CAPN14: variants seen among roughly 807,000 people sequenced by gnomAD.
CAPN14 encodes the protein calpain-14.
CAPN14 carries 94 observed loss-of-function variants against 101.3 expected under a neutral mutation model. That is an observed-to-expected ratio of 0.93 (90% CI 0.79 to 1.10). CAPN14 has a LOEUF of 1.10. CAPN14 is among the 50% of genes least tolerant of loss of function. CAPN14 has a pLI of 0.00. For synonymous variants in CAPN14, 338 were observed against 317.9 expected (o/e 1.06, Z -0.67); for missense variants, 837 against 828.4 (o/e 1.01, Z -0.13).
At position 31,203,071 on chromosome 2, in the gene CAPN14, T is replaced by C; in HGVS notation, c.294A>G (p.Val98=). The C allele has an allele frequency of 1.9e-6, 3 of 1,551,442 alleles. No individual in the cohort carries two copies. The highest frequency in any genetic ancestry group is 2.6e-6 in the Non-Finnish European group (3 of 1,146,782). ...TCTCTCGGGGCTGTGCAAACTTACC[T>C]ACTATCCCCTGGCACAGATCCAGCC... is the stretch of plus-strand genomic sequence containing the variant. ...AKRLDLCQGI[V]GDCWFLAALQ... is the part of the protein sequence containing the mutation. The change falls in exon 3 of 22, where the codon GTA becomes GTG. Residue 98 remains valine (V), a splice_region_variant and synonymous_variant. Transcript: ENST00000403897.
At chr2:31,175,545 C>T (rs1271423527) in intron 21 of CAPN14, among the ~76,000 whole-genome samples, 1 of 152,184 alleles carries the variant, frequency 6.6e-6, no homozygotes, top group Non-Finnish European at 1.5e-5. Context: ...AGACCTGAGC[C>T]AGCCACTGTG....
intron 5 of CAPN14, 91 bp downstream of exon 5, chr2:31,201,771 A>C: frequency 2.0e-6 from 3 of 1,480,274 alleles, no homozygotes; most frequent in Non-Finnish European, 2.7e-6. Context: ...ATCTCATTTC[A>C]TAAACTTTAC....
At chr2:31,207,361 TCA>T (rs1682154158) in intron 1 of CAPN14, among the ~76,000 whole-genome samples, 1 of 152,228 alleles carries the variant, frequency 6.6e-6, no homozygotes, top group African/African-American at 2.4e-5. Context: ...TCTCAAATTA[TCA>T]CTAGTGAAGG....
intron 1 of CAPN14, among the ~76,000 whole-genome samples, chr2:31,215,840 T>A: frequency 1.2e-5 from 1 of 86,762 alleles, no homozygotes. Context: ...TAGAAACATC[T>A]TAAAAAAGAA....
At chr2:31,204,106 C>T (rs771905219) in intron 2 of CAPN14, among the ~76,000 whole-genome samples, 24 of 152,304 alleles carry the variant, frequency 1.6e-4, no homozygotes, top group Non-Finnish European at 3.2e-4. Flanking sequence ...GCCTTGCCAT[C>T]TCAGATGAAG....
chr2:31,189,623 G>C (rs753142449), intron 12 of CAPN14, 145 bp from the exon 13 acceptor site: 2 of 727,356 alleles, frequency 2.7e-6, no homozygotes, highest in South Asian at 3.0e-5. Flanking sequence ...TGAAACAAGT[G>C]GGGAGGAAAG....
At chr2:31,228,995 T>A (rs554729892) in intron 1 of CAPN14, among the ~76,000 whole-genome samples, 1 of 152,338 alleles carries the variant, frequency 6.6e-6, no homozygotes, top group Non-Finnish European at 1.5e-5. Context: ...CAGATGGGGC[T>A]GAAAACAAAT....
chr2:31,180,218 G>T, intron 17 of CAPN14, among the ~76,000 whole-genome samples: 1 of 152,112 alleles, frequency 6.6e-6, no homozygotes, highest in East Asian at 1.9e-4. Flanking sequence ...AGCGCTTGGA[G>T]AGGGTCTGAT....
At chr2:31,232,886 A>C (rs1683237196) in intron 1 of CAPN14, among the ~76,000 whole-genome samples, 1 of 152,086 alleles carries the variant, frequency 6.6e-6, no homozygotes, top group Non-Finnish European at 1.5e-5. Context: ...CTCCTTCTTC[A>C]TCTGTGGAAG....
chr2:31,225,980 C>T (rs1007775678), intron 2 of CAPN14, among the ~76,000 whole-genome samples: 4 of 151,922 alleles, frequency 2.6e-5, no homozygotes, highest in Admixed American at 2.0e-4. Flanking sequence ...ACTATTCATA[C>T]CAGATATTAA....
intron 16 of CAPN14, among the ~76,000 whole-genome samples, 152 bp from the exon 17 acceptor site, chr2:31,181,152 A>C (rs1018703380): frequency 6.6e-6 from 1 of 152,122 alleles, no homozygotes; most frequent in African/African-American, 2.4e-5. Flanking sequence ...CAGTAGAGAG[A>C]CGGGGGGGTG....
In CAPN14 at chr2:31,190,604, G is replaced by GT. The variant is rs113244419; in HGVS notation, c.1287+794dup. Among the ~76,000 whole-genome samples the GT allele has an allele frequency of 5.6e-3, 853 of 152,258 alleles. 9 individuals carry two copies. Among genetic ancestry groups the GT allele is most frequent in the African/African-American group, 0.019 (807 of 41,544 alleles). On this transcript the variant is annotated intron_variant, in intron 12 of 21. Transcript: ENST00000403897. The stretch of plus-strand genomic sequence containing the variant: ...GATTTGCAGGTTTCCTCTGTTTACA[G>GT]TTTTTTATTGTAGGTTGACCCAAAT...
At chr2:31,191,787 A>G (rs376027993) in intron 11 of CAPN14, 148 bp downstream of exon 11, 35 of 726,130 alleles carry the variant, frequency 4.8e-5, no homozygotes, top group Non-Finnish European at 7.5e-5. Context: ...TCTAAATCAC[A>G]TGTTCCTAAA....
intron 3 of CAPN14, 150 bp from the exon 4 acceptor site, chr2:31,202,402 CA>C (rs1384173882): frequency 2.2e-5 from 14 of 635,208 alleles, no homozygotes. Context: ...GATGAGTGAG[CA>C]GAGGTGGGGC....
chr2:31,230,935 GTA>G lies in CAPN14; in HGVS notation c.-177+2854_-177+2855del, dbSNP rs1184989910. On this transcript the variant is annotated intron_variant and NMD_transcript_variant, in intron 1 of 21. Transcript: ENST00000398824. The surrounding 1 kb of genome is among the most constrained non-coding windows in gnomAD (Gnocchi z 4.3). ...ATATGCAATCTCTATTGCAACTTCTGTATATGTCAGGCTTCCAAATTTCCTGG... is the reference window on the plus strand; with the variant it reads ...ATATGCAATCTCTATTGCAACTTCTGTATGTCAGGCTTCCAAATTTCCTGG... 2.0e-5 allele frequency among the ~76,000 whole-genome samples: 3 copies of G among 152,100 alleles called. No homozygotes were observed. The highest frequency in any genetic ancestry group is 7.2e-5 in the African/African-American group (3 of 41,418).
At chr2:31,215,762 A>G (rs1450715351) in intron 1 of CAPN14, among the ~76,000 whole-genome samples, 1 of 151,824 alleles carries the variant, frequency 6.6e-6, no homozygotes, top group African/African-American at 2.4e-5. Context: ...GCTCTGATTA[A>G]CGCTACTCCA....
chr2:31,226,022 C>T lies in CAPN14; in HGVS notation c.-53+506G>A, dbSNP rs541631786. On this transcript the variant is annotated intron_variant and NMD_transcript_variant, in intron 2 of 21. Coordinates refer to the CAPN14 transcript ENST00000398824. ...TCAAAAGTTGTTGTAATTTAAATGG[C>T]ATAATACTAATTTAGGCAAATAACT... is the stretch of plus-strand genomic sequence containing the variant. 5.3e-5 allele frequency among the ~76,000 whole-genome samples: 8 copies of T among 152,146 alleles called. No homozygotes were observed. In the South Asian group the frequency reaches 1.7e-3, roughly 32 times the overall value.
exon 2 of CAPN14, chr2:31,226,552 T>C (rs1020193182): frequency 2.6e-5 from 4 of 152,266 alleles, no homozygotes; most frequent in African/African-American, 9.6e-5. Context: ...GCTCAGGAAC[T>C]GGTGCTGGTC....
upstream of CAPN14, among the ~76,000 whole-genome samples, chr2:31,219,240 C>T (rs766247396): frequency 5.3e-5 from 8 of 152,052 alleles, no homozygotes; most frequent in Admixed American, 3.3e-4. Flanking sequence ...CATTTCCTCC[C>T]GTGACAACTC....
Sources: allele counts gnomAD v4.1 joint callset (sites outside exome capture counted in the v4.1 genomes callset), GRCh38; gene constraint gnomAD v4.1.1; non-coding constraint Gnocchi (gnomAD v3.1); transcripts MANE v1.5; gene names NCBI Gene and HGNC (gene_info 2026-07-23, HGNC 2026-07-21).